Variants in MAST4 observed in about 807,000 individuals in gnomAD.
The protein encoded by MAST4 is microtubule associated serine/threonine kinase family member 4.
A neutral mutation model predicts 162.7 loss-of-function variants in MAST4; 89 were observed. The ratio of observed to expected loss-of-function variants is 0.55; its 90% CI spans 0.46 to 0.65. MAST4 has a LOEUF of 0.65. Among genes scored for constraint, MAST4 ranks in the 30% least tolerant of loss-of-function variants. The pLI, the probability that MAST4 is intolerant of heterozygous loss-of-function variation, is 0.00. For missense variants in MAST4, 3,153 were observed against 3,374.0 expected (o/e 0.93, Z 1.62); for synonymous variants, 1,479 against 1,361.1 (o/e 1.09, Z -1.91).
chr5:66,618,118 G>A (rs1275438956), intron 1 of MAST4, among the ~76,000 whole-genome samples: 1 of 152,100 alleles, frequency 6.6e-6, no homozygotes, highest in East Asian at 1.9e-4. Flanking sequence ...AGGAGCACCG[G>A]CCTCCCGCCC....
chr5:66,802,554 C>T (rs756342432), intron 3 of MAST4, among the ~76,000 whole-genome samples: 14 of 152,136 alleles, frequency 9.2e-5, no homozygotes, highest in Non-Finnish European at 1.3e-4. Context: ...TGCTTAATGA[C>T]TTGGGGGCCA....
chr5:66,909,375 A>G (rs1763596190), intron 4 of MAST4, among the ~76,000 whole-genome samples: 1 of 152,338 alleles, frequency 6.6e-6, no homozygotes, highest in Middle Eastern at 3.4e-3. Flanking sequence ...TCAGCAGGGT[A>G]ATCAGGACAC....
At chr5:67,140,926 T>C (rs995446932) in intron 19 of MAST4, among the ~76,000 whole-genome samples, 6 of 152,242 alleles carry the variant, frequency 3.9e-5, no homozygotes, top group African/African-American at 1.4e-4. Flanking sequence ...CCCCCCTTTT[T>C]GGGTAGTTTC....
At chr5:66,627,248 TCA>T (rs1391945789) in intron 1 of MAST4, among the ~76,000 whole-genome samples, 2 of 152,152 alleles carry the variant, frequency 1.3e-5, no homozygotes, top group African/African-American at 4.8e-5. Flanking sequence ...GAGAACTCAC[TCA>T]CTATCACGAG....
chr5:66,657,385 A>G (rs1746621209), intron 1 of MAST4, among the ~76,000 whole-genome samples: 1 of 152,234 alleles, frequency 6.6e-6, no homozygotes, highest in Non-Finnish European at 1.5e-5. Flanking sequence ...CAATTGGACA[A>G]TACCCAGAGA....
chr5:67,129,778 A>G (rs1768727146), intron 14 of MAST4, among the ~76,000 whole-genome samples: 1 of 152,120 alleles, frequency 6.6e-6, no homozygotes, highest in Non-Finnish European at 1.5e-5. Context: ...GTTGGTTGAG[A>G]AAAAGTGTCT....
chr5:66,916,320 G>C (rs765351744), intron 4 of MAST4, among the ~76,000 whole-genome samples: 4 of 152,168 alleles, frequency 2.6e-5, no homozygotes, highest in East Asian at 1.9e-4. Flanking sequence ...TGATACACAG[G>C]GGGGAAAGAG....
rs138781352 is a variant in MAST4, at chr5:66,832,071, A to G, written c.642+43277A>G. Among the ~76,000 whole-genome samples the G allele has an allele frequency of 3.9e-3, 594 of 152,242 alleles. 3 individuals are homozygous for G. Among genetic ancestry groups the G allele is most frequent in the Non-Finnish European group, 5.8e-3 (394 of 68,014 alleles). Reference sequence around the variant, plus strand: ...AGATCCTAAGGCTGGAGAACAATGAACAATAGGCATCGTAAGGCAGGCATG... The same window carrying G: ...AGATCCTAAGGCTGGAGAACAATGAGCAATAGGCATCGTAAGGCAGGCATG... On this transcript the variant is annotated intron_variant, in intron 3 of 28. Transcript: ENST00000403625.
intron 24 of MAST4, among the ~76,000 whole-genome samples, 165 bp from the exon 25 acceptor site, chr5:67,152,472 A>T (rs1013265876): frequency 1.3e-5 from 2 of 152,238 alleles, no homozygotes; most frequent in African/African-American, 4.8e-5. Flanking sequence ...CTAGTTACTG[A>T]TAGAAACATT....
chr5:66,889,075 G>A (rs185420930), intron 3 of MAST4, among the ~76,000 whole-genome samples: 3 of 152,154 alleles, frequency 2.0e-5, no homozygotes, highest in East Asian at 1.9e-4. Context: ...AGCTTTTATT[G>A]ATTCTAGGGA....
intron 4 of MAST4, among the ~76,000 whole-genome samples, chr5:66,925,136 T>A (rs778111263): frequency 1.1e-4 from 16 of 152,230 alleles, no homozygotes; most frequent in Non-Finnish European, 1.8e-4. Context: ...ATTTTTGGCA[T>A]GTGTTTTCTT....
At chr5:67,042,857 A>T (rs1756930660) in intron 4 of MAST4, among the ~76,000 whole-genome samples, 2 of 152,202 alleles carry the variant, frequency 1.3e-5, no homozygotes, top group South Asian at 4.1e-4. Context: ...AAAAGAACAA[A>T]GTGGAGCTCT....
chr5:67,016,999 A>G (rs1753367624), intron 4 of MAST4, among the ~76,000 whole-genome samples: 1 of 152,228 alleles, frequency 6.6e-6, no homozygotes, highest in Non-Finnish European at 1.5e-5. Flanking sequence ...CCTTTTAAAA[A>G]ATGTAATAAT....
chr5:67,040,182 A>T (rs115070782), intron 4 of MAST4, among the ~76,000 whole-genome samples: 2 of 152,276 alleles, frequency 1.3e-5, no homozygotes, highest in African/African-American at 4.8e-5. Context: ...AGAGTGAGTT[A>T]TCTAGAAATA....
At chr5:66,807,137 G>A (rs189380000) in intron 3 of MAST4, among the ~76,000 whole-genome samples, 1 of 152,330 alleles carries the variant, frequency 6.6e-6, no homozygotes, top group East Asian at 1.9e-4. Context: ...TGGAGAAAGA[G>A]TATCCATCCC....
chr5:66,885,408 T>C (rs1761976019), intron 3 of MAST4, among the ~76,000 whole-genome samples: 2 of 152,198 alleles, frequency 1.3e-5, no homozygotes, highest in South Asian at 2.1e-4. Flanking sequence ...TCTAGCATAT[T>C]GTTCCTGGTC....
chr5:67,108,417 C>G (rs1339269899), intron 10 of MAST4, among the ~76,000 whole-genome samples: 2 of 152,080 alleles, frequency 1.3e-5, no homozygotes, highest in Non-Finnish European at 2.9e-5. Flanking sequence ...GAAGATGTAA[C>G]CGTATTTTTT....
chr5:66,600,593 A>G (rs1742489179), intron 1 of MAST4, among the ~76,000 whole-genome samples: 1 of 152,252 alleles, frequency 6.6e-6, no homozygotes, highest in African/African-American at 2.4e-5. Context: ...GGCATCTATG[A>G]AAATAGTTGC....
chr5:67,071,737 G>A (rs1561609795), intron 5 of MAST4, among the ~76,000 whole-genome samples: 1 of 152,200 alleles, frequency 6.6e-6, no homozygotes, highest in Admixed American at 6.5e-5. Flanking sequence ...TCCAGCCTGG[G>A]CGACAGAGCG....
Sources: allele counts gnomAD v4.1 joint callset (sites outside exome capture counted in the v4.1 genomes callset), GRCh38; gene constraint gnomAD v4.1.1; transcripts MANE v1.5; gene names NCBI Gene and HGNC (gene_info 2026-07-23, HGNC 2026-07-21).